The following CELF5 variants were observed in gnomAD, a reference collection of about 807,000 sequenced individuals.
The protein encoded by CELF5 is CUG-BP and ETR-3 like factor 5.
CELF5 carries 6 observed loss-of-function variants against 54.9 expected under a neutral mutation model. That is an observed-to-expected ratio of 0.11 (90% CI 0.06 to 0.22). CELF5 has a LOEUF of 0.22. CELF5 is among the 10% of genes least tolerant of loss of function. The pLI is 1.00. For synonymous variants in CELF5, 271 were observed against 290.9 expected, an observed-to-expected ratio of 0.93 and a Z score of 0.70; for missense variants, 401 against 678.6, an observed-to-expected ratio of 0.59 and a Z score of 4.54.
At chr19:3,286,101 G>C in intron 10 of CELF5, 76 bp downstream of exon 10, 1 of 1,297,062 alleles carries the variant, frequency 7.7e-7, no homozygotes, top group Non-Finnish European at 1.0e-6. Flanking sequence ...CTCCGTGTCT[G>C]GCCCGGGCCT....
chr19:3,228,107 AAGAGAGAGAG>A lies in CELF5; in HGVS notation c.259+3121_259+3130del. On this transcript the variant is annotated intron_variant, in intron 1 of 12. Transcript: ENST00000292672. The surrounding 1 kb of genome is among the most constrained non-coding windows in gnomAD (Gnocchi z 6.0). ...GCCCTGGGGCGCTGGGTTTGTTTTT[AAGAGAGAGAG>A]AGAGAGAGAGATGAGGACACAGAGA... is the stretch of plus-strand genomic sequence containing the variant. Among the ~76,000 whole-genome samples the A allele has an allele frequency of 6.7e-6, 1 of 149,260 alleles. No homozygotes were observed. Among genetic ancestry groups the A allele is most frequent in the South Asian group, 2.1e-4 (1 of 4,674 alleles).
At position 3,273,774 on chromosome 19, in the gene CELF5, G is replaced by C; in HGVS notation, c.343-98G>C. 4.9e-6 allele frequency: 4 copies of C among 813,680 alleles called. No homozygotes were observed. In the South Asian group the frequency reaches 5.9e-5, roughly 12 times the overall value. The allele number at this position is 813,680 out of a possible 1,614,324, so 50.4% of individuals were successfully genotyped here. ...GTGGGGTGCTGAGGGCTGGTGGTGG[G>C]AGGTGGGCAGGGCTGGCCTGCAGAG... is the stretch of plus-strand genomic sequence containing the variant. On this transcript the variant is annotated intron_variant, in intron 2 of 12. Transcript: ENST00000292672.
At chr19:3,289,681 C>CAAAAAAAAAAAAAAAAAAA (rs35144942) in intron 10 of CELF5, among the ~76,000 whole-genome samples, 7 of 47,134 alleles carry the variant, frequency 1.5e-4, no homozygotes, top group African/African-American at 6.0e-4. Flanking sequence ...GACTCCATCT[C>CAAAAAAAAAAAAAAAAAAA]AAAAAAAAAA....
At chr19:3,265,357 G>A (rs754584008) in intron 2 of CELF5, among the ~76,000 whole-genome samples, 2 of 152,150 alleles carry the variant, frequency 1.3e-5, no homozygotes, top group Non-Finnish European at 2.9e-5. Context: ...ATTCAAGGGT[G>A]AGCTGGTGAT....
intron 2 of CELF5, among the ~76,000 whole-genome samples, chr19:3,264,403 T>G (rs1401244361): frequency 6.6e-6 from 1 of 151,822 alleles, no homozygotes; most frequent in Non-Finnish European, 1.5e-5. Context: ...TTTTTCTTTT[T>G]CTTTTTCTTT....
At chr19:3,225,278 C>T (rs1386533994) in intron 1 of CELF5, among the ~76,000 whole-genome samples, 1 of 113,832 alleles carries the variant, frequency 8.8e-6, no homozygotes, top group South Asian at 3.6e-4. Context: ...CTCTCTCCCT[C>T]TCTCTCTCCC....
chr19:3,267,286 C>A (rs1002043595), intron 2 of CELF5, among the ~76,000 whole-genome samples: 1 of 87,136 alleles, frequency 1.1e-5, no homozygotes, highest in African/African-American at 3.7e-5. Flanking sequence ...GAGAGGGCAA[C>A]CCCCCCGTTT....
chr19:3,248,202 C>T (rs1228509229), intron 1 of CELF5, among the ~76,000 whole-genome samples: 1 of 152,162 alleles, frequency 6.6e-6, no homozygotes, highest in African/African-American at 2.4e-5. Context: ...GTTGCCTAGG[C>T]TGGATTGCAG....
At chr19:3,290,457 T>C in intron 11 of CELF5, 83 bp downstream of exon 11, 1 of 1,488,070 alleles carries the variant, frequency 6.7e-7, no homozygotes, top group Non-Finnish European at 9.3e-7. Context: ...TTGGTCGGCC[T>C]CGGGACAGGG....
chr19:3,284,438 C>A (rs1295818212), intron 8 of CELF5, among the ~76,000 whole-genome samples: 1 of 152,180 alleles, frequency 6.6e-6, no homozygotes, highest in African/African-American at 2.4e-5. Flanking sequence ...TCCCCTACCC[C>A]TTTCCCTAGC....
intron 2 of CELF5, among the ~76,000 whole-genome samples, chr19:3,262,672 C>T (rs561993253): frequency 4.1e-4 from 62 of 152,052 alleles, no homozygotes; most frequent in Non-Finnish European, 4.7e-4. Context: ...ACTTAAGGGC[C>T]GGGCGCAGTG....
At position 3,228,875 on chromosome 19, in the gene CELF5, CGTGTGTGTGTGTGTGTGTGTGTGT is replaced by C. The variant is rs60632293; in HGVS notation, c.259+3894_259+3917del. 8.1e-6 allele frequency among the ~76,000 whole-genome samples: 1 copy of C among 124,108 alleles called. No individual in the cohort carries two copies. Among genetic ancestry groups the C allele is most frequent in the African/African-American group, 3.1e-5 (1 of 31,846 alleles). 81.4% of individuals were successfully genotyped at this position (124,108 alleles called of 152,430 possible). A position where few individuals can be genotyped will look rare whatever the true frequency, so the allele number is the denominator to read the frequency against. On this transcript the variant is annotated intron_variant, in intron 1 of 12. Transcript: ENST00000292672. The surrounding 1 kb of genome is among the most constrained non-coding windows in gnomAD (Gnocchi z 6.0). The stretch of plus-strand genomic sequence containing the variant: ...GGGGGTGGCTGGCAGGGTTGGCCGG[CGTGTGTGTGTGTGTGTGTGTGTGT>C]GTGTGTGTGTGTGTGTACGCGGGCG...
Position 3,293,339 on chromosome 19 carries a change from C to A in CELF5, c.1351C>A (p.Pro451Thr). The A allele has an allele frequency of 6.2e-7, 1 of 1,614,166 alleles. No individual in the cohort carries two copies. The highest frequency in any genetic ancestry group is 8.5e-7 in the Non-Finnish European group (1 of 1,180,000). The change falls in exon 12 of 13, where the codon CCG (proline) becomes ACG (threonine). Residue 451 changes from proline (P) to threonine (T), a missense_variant. By Grantham distance (38) the Pro-to-Thr change is conservative. Transcript: ENST00000292672. ...KCFGFVSFDN[P>T]ASAQAAIQAM... ...TGCAGGCTTCGTGAGCTTTGATAACCCGGCCAGCGCCCAGGCAGCCATCCA... is the reference window on the plus strand; with the variant it reads ...TGCAGGCTTCGTGAGCTTTGATAACACGGCCAGCGCCCAGGCAGCCATCCA...
At position 3,268,029 on chromosome 19, in the gene CELF5, C is replaced by T. The variant is rs191839659; in HGVS notation, c.343-5843C>T. On this transcript the variant is annotated intron_variant, in intron 2 of 12. Coordinates refer to ENST00000292672, the MANE Select transcript of CELF5 (RefSeq NM_021938.4). This position sits in a 1 kb window ranked among gnomAD's most constrained non-coding sequence, Gnocchi z 4.4. ...GTTTTGCTTTTTTGAGATGGAGTCT[C>T]GCTCTGTCGCCCAGGCTGGAGTGCA... is the stretch of plus-strand genomic sequence containing the variant. Among the ~76,000 whole-genome samples, 5 of 152,190 alleles carry T rather than the reference C, an allele frequency of 3.3e-5. No homozygotes were observed. The highest frequency in any genetic ancestry group is 1.9e-4 in the East Asian group (1 of 5,180).
chr19:3,234,622 C>T (rs910943053), intron 1 of CELF5, among the ~76,000 whole-genome samples: 2 of 152,082 alleles, frequency 1.3e-5, no homozygotes, highest in Non-Finnish European at 2.9e-5. Flanking sequence ...CACCAGTGAC[C>T]TGGCTTGGGC....
intron 2 of CELF5, among the ~76,000 whole-genome samples, chr19:3,263,246 CAAAA>C (rs541811875): frequency 4.4e-5 from 2 of 45,066 alleles, no homozygotes; most frequent in Admixed American, 2.7e-4. Context: ...GATTCTGTCT[CAAAA>C]AAAAAAAAAA....
rs1167879554 is a variant in CELF5 at position 3,268,111 on chromosome 19, G to A, written c.343-5761G>A. On this transcript the variant is annotated intron_variant, in intron 2 of 12. Transcript: ENST00000292672. This position sits in a 1 kb window ranked among gnomAD's most constrained non-coding sequence, Gnocchi z 4.4. Reference sequence around the variant, plus strand: ...CCTCCTGGGTTCAAGCAATTCTTCTGCCTCAGCCTCCCGAGTAGCTGGGAT... The same window carrying A: ...CCTCCTGGGTTCAAGCAATTCTTCTACCTCAGCCTCCCGAGTAGCTGGGAT... Among the ~76,000 whole-genome samples the A allele has an allele frequency of 6.6e-6, 1 of 152,122 alleles. No homozygotes were observed. The highest frequency in any genetic ancestry group is 1.5e-5 in the Non-Finnish European group (1 of 68,032).
intron 2 of CELF5, among the ~76,000 whole-genome samples, chr19:3,251,652 CTTTT>C (rs1195812856): frequency 6.0e-5 from 4 of 67,116 alleles, no homozygotes; most frequent in African/African-American, 1.7e-4. Context: ...ACAAGGGCTT[CTTTT>C]TTTTTTTTTT....
chr19:3,292,471 A>G (rs1229141079), intron 11 of CELF5, among the ~76,000 whole-genome samples: 1 of 150,764 alleles, frequency 6.6e-6, no homozygotes, highest in African/African-American at 2.4e-5. Flanking sequence ...TTTAGTAGAG[A>G]CGGGGTTTGA....
Sources: gnomAD v4.1 joint callset for allele counts (sites outside exome capture counted in the v4.1 genomes callset) on GRCh38, gnomAD v4.1.1 for gene constraint, Gnocchi (gnomAD v3.1) non-coding constraint, MANE v1.5 for transcripts, NCBI Gene and HGNC (gene_info 2026-07-23, HGNC 2026-07-21) for gene names.